Variants in WDPCP observed in about 807,000 individuals in gnomAD.
The protein encoded by WDPCP is WD repeat containing planar cell polarity effector.
In WDPCP, 71 loss-of-function variants were observed where a neutral mutation model predicts 93.1. The observed-to-expected ratio is 0.76, with a 90% CI of 0.63 to 0.93. The LOEUF (loss-of-function observed/expected upper bound fraction) is 0.93. WDPCP is among the 40% of genes least tolerant of loss of function. WDPCP has a pLI of 0.00. For missense variants in WDPCP, 844 were observed against 887.4 expected (o/e 0.95, Z 0.62); for synonymous variants, 315 against 315.0 (o/e 1.00, Z 0.00).
At chr2:63,591,502 T>G (rs1709201142), upstream of WDPCP, among the ~76,000 whole-genome samples, 2 of 152,236 alleles carry the variant, frequency 1.3e-5, no homozygotes, top group Non-Finnish European at 2.9e-5. Context: ...GAACATGTTT[T>G]TAAGTAGCTA....
intron 4 of WDPCP, among the ~76,000 whole-genome samples, chr2:63,485,468 A>G (rs1700518862): frequency 6.6e-6 from 1 of 151,946 alleles, no homozygotes; most frequent in Non-Finnish European, 1.5e-5. Context: ...GAAGTTAAGC[A>G]TTAAAGCTCC....
intron 2 of WDPCP, among the ~76,000 whole-genome samples, chr2:63,673,532 C>A (rs187885356): frequency 5.3e-5 from 8 of 152,212 alleles, no homozygotes; most frequent in Admixed American, 1.3e-4. Context: ...ATTTGAGTAT[C>A]TCCACTGTGC....
chr2:63,540,605 A>C (rs1402698720), intron 1 of WDPCP, among the ~76,000 whole-genome samples: 1 of 152,212 alleles, frequency 6.6e-6, no homozygotes, highest in African/African-American at 2.4e-5. Context: ...TGTGTTTATA[A>C]ACGTGTCTCT....
chr2:63,573,104 G>A (rs1361543921), intron 1 of WDPCP, among the ~76,000 whole-genome samples: 1 of 152,012 alleles, frequency 6.6e-6, no homozygotes, highest in Non-Finnish European at 1.5e-5. Context: ...TTTTTTAATT[G>A]GCTGGTGGCA....
chr2:63,304,726 G>A (rs1165138829), intron 13 of WDPCP, among the ~76,000 whole-genome samples: 1 of 152,140 alleles, frequency 6.6e-6, no homozygotes, highest in Non-Finnish European at 1.5e-5. Context: ...CCCCAGTGGT[G>A]CCTGGAATGC....
At chr2:63,686,253 G>C (rs1055269599) in intron 2 of WDPCP, among the ~76,000 whole-genome samples, 2 of 152,140 alleles carry the variant, frequency 1.3e-5, no homozygotes, top group Admixed American at 1.3e-4. Flanking sequence ...CAGTAAAGTT[G>C]CATACAAAAT....
intron 3 of WDPCP, among the ~76,000 whole-genome samples, chr2:63,614,548 C>T (rs997326703): frequency 6.6e-6 from 1 of 152,286 alleles, no homozygotes; most frequent in South Asian, 2.1e-4. Flanking sequence ...GGAAGAACCA[C>T]AGAAGCAAAG....
intron 3 of WDPCP, chr2:63,607,019 C>T: frequency 1.3e-6 from 2 of 1,585,518 alleles, no homozygotes; most frequent in Non-Finnish European, 1.7e-6. Flanking sequence ...TGCTTCAAAG[C>T]TGAAGAATCT....
At chr2:63,139,962 C>T (rs548761618) in intron 17 of WDPCP, among the ~76,000 whole-genome samples, 7 of 152,284 alleles carry the variant, frequency 4.6e-5, no homozygotes, top group African/African-American at 1.4e-4. Context: ...GGTTTAAGTA[C>T]TTAATCCATC....
chr2:63,386,990 C>T (rs1259902249), intron 10 of WDPCP, among the ~76,000 whole-genome samples: 1 of 152,014 alleles, frequency 6.6e-6, no homozygotes, highest in African/African-American at 2.4e-5. Flanking sequence ...AACTGAATCA[C>T]TAATAAAAAG....
chr2:63,785,840 G>T (rs1575772684), intron 2 of WDPCP, among the ~76,000 whole-genome samples: 1 of 152,114 alleles, frequency 6.6e-6, no homozygotes, highest in East Asian at 1.9e-4. Flanking sequence ...TTTTTTAAAA[G>T]ACTTTATTAA....
chr2:63,402,289 G>A (rs1694210951), intron 10 of WDPCP, among the ~76,000 whole-genome samples: 1 of 152,012 alleles, frequency 6.6e-6, no homozygotes, highest in African/African-American at 2.4e-5. Flanking sequence ...ACACAGGGAG[G>A]GGAACAACAC....
chr2:63,528,208 C>T (rs1225793677), intron 1 of WDPCP, among the ~76,000 whole-genome samples: 2 of 152,148 alleles, frequency 1.3e-5, no homozygotes, highest in Non-Finnish European at 2.9e-5. Context: ...TGTGCAGAAG[C>T]TCTTTAGTTT....
intron 3 of WDPCP, among the ~76,000 whole-genome samples, chr2:63,629,509 T>C (rs573422577): frequency 6.6e-6 from 1 of 152,222 alleles, no homozygotes; most frequent in Non-Finnish European, 1.5e-5. Flanking sequence ...CCCACCTACA[T>C]GCTATGTGGT....
At chr2:63,434,353 A>G (rs1696989158) in intron 8 of WDPCP, among the ~76,000 whole-genome samples, 1 of 152,194 alleles carries the variant, frequency 6.6e-6, no homozygotes, top group Non-Finnish European at 1.5e-5. Flanking sequence ...GACTGACAAC[A>G]AAAAAAGGAA....
At chr2:63,819,303 C>A (rs996073992) in intron 1 of WDPCP, among the ~76,000 whole-genome samples, 21 of 152,124 alleles carry the variant, frequency 1.4e-4, no homozygotes, top group Non-Finnish European at 1.0e-4. Flanking sequence ...TTTTCTGTGA[C>A]CTTTTCTGAT....
intron 6 of WDPCP, among the ~76,000 whole-genome samples, chr2:63,453,108 T>G (rs1221821227): frequency 6.6e-6 from 1 of 152,102 alleles, no homozygotes; most frequent in African/African-American, 2.4e-5. Context: ...CTAATTAAAC[T>G]AAAGAGCTTC....
At chr2:63,547,713 C>T (rs552757932) in intron 1 of WDPCP, among the ~76,000 whole-genome samples, 1 of 146,934 alleles carries the variant, frequency 6.8e-6, no homozygotes, top group East Asian at 2.0e-4. Flanking sequence ...ACAAATATCA[C>T]ATGTTCTCAC....
intron 12 of WDPCP, among the ~76,000 whole-genome samples, chr2:63,373,278 A>G (rs1013755226): frequency 4.9e-5 from 7 of 143,154 alleles, no homozygotes; most frequent in African/African-American, 1.3e-4. Context: ...TTTAAATGAC[A>G]TACGGTCTTG....
Sources: allele counts gnomAD v4.1 joint callset (sites outside exome capture counted in the v4.1 genomes callset), GRCh38; gene constraint gnomAD v4.1.1; transcripts MANE v1.5; gene names NCBI Gene and HGNC (gene_info 2026-07-23, HGNC 2026-07-21).